Variants in BABAM2 observed in about 807,000 individuals in gnomAD.
BABAM2 encodes BRISC and BRCA1-A complex member 2.
A neutral mutation model predicts 54.7 loss-of-function variants in BABAM2; 31 were observed. The observed-to-expected ratio is 0.57, with a 90% CI of 0.43 to 0.77. The LOEUF is 0.77. BABAM2 is among the 30% of genes least tolerant of loss of function. BABAM2 has a pLI of 0.00. For missense variants in BABAM2, 364 were observed against 455.8 expected, an observed-to-expected ratio of 0.80 and a Z score of 1.83; for synonymous variants, 167 against 162.9, an observed-to-expected ratio of 1.03 and a Z score of -0.19.
At chr2:28,246,253 C>A (rs548311863) in intron 10 of BABAM2, among the ~76,000 whole-genome samples, 2 of 152,316 alleles carry the variant, frequency 1.3e-5, no homozygotes, top group African/African-American at 4.8e-5. Context: ...AACACTGGTA[C>A]TGCAGCCACC....
intron 3 of BABAM2, among the ~76,000 whole-genome samples, chr2:27,934,160 C>A (rs1008356004): frequency 5.9e-5 from 9 of 151,804 alleles, no homozygotes; most frequent in South Asian, 2.1e-4. Context: ...TTATTTCATG[C>A]CTTTGTGTCA....
chr2:27,971,582 A>C (rs906066082), intron 3 of BABAM2, among the ~76,000 whole-genome samples: 1 of 152,156 alleles, frequency 6.6e-6, no homozygotes, highest in African/African-American at 2.4e-5. Flanking sequence ...TTTCATTAAA[A>C]GAAAAATAAA....
Position 27,894,509 on chromosome 2 carries a change from A to G in BABAM2, c.-24-24A>G, listed in dbSNP as rs145485760. On this transcript the variant is annotated intron_variant, in intron 1 of 11. Transcript: ENST00000379624. ...TCTAGTCCATTTGTAAGCCCTGATC[A>G]TTATTCTTTCCTTCTGCTTTCAGTG... is the stretch of plus-strand genomic sequence containing the variant. The G allele has an allele frequency of 5.2e-4, 829 of 1,607,910 alleles. 3 individuals are homozygous for G. The African/African-American group carries it at 0.01, about 20-fold the overall frequency.
intron 7 of BABAM2, among the ~76,000 whole-genome samples, chr2:28,232,745 A>G (rs1441247934): frequency 2.6e-5 from 4 of 152,224 alleles, no homozygotes; most frequent in Admixed American, 2.6e-4. Context: ...ACTGTCATAT[A>G]TGGGGTCCAT....
chr2:28,214,395 G>A (rs900755227), intron 7 of BABAM2, among the ~76,000 whole-genome samples: 3 of 152,050 alleles, frequency 2.0e-5, no homozygotes, highest in African/African-American at 7.2e-5. Context: ...TTCATTGCTG[G>A]TATATAGTAA....
rs547755464 is a variant in BABAM2 at position 27,981,128 on chromosome 2, T to C, written c.206-6865T>C. On this transcript the variant is annotated intron_variant, in intron 3 of 11. Coordinates refer to ENST00000379624, the MANE Select transcript of BABAM2 (RefSeq NM_199191.3). ...TTGTAAAGTTCCTTAAAAATAAAGATCTTTGCAAGTATTTATCTTAAAAAG... is the reference window on the plus strand; with the variant it reads ...TTGTAAAGTTCCTTAAAAATAAAGACCTTTGCAAGTATTTATCTTAAAAAG... Among the ~76,000 whole-genome samples the C allele has an allele frequency of 2.6e-5, 4 of 152,234 alleles. No individual in the cohort carries two copies. In the South Asian group the frequency reaches 6.2e-4, roughly 24 times the overall value.
intron 6 of BABAM2, among the ~76,000 whole-genome samples, chr2:28,095,760 A>T (rs1666563488): frequency 6.6e-6 from 1 of 152,204 alleles, no homozygotes; most frequent in Admixed American, 6.5e-5. Flanking sequence ...TCAAGAACAA[A>T]GGACGTAATA....
rs533478777 is a variant in BABAM2, at chr2:28,227,844, G to A, written c.681-9358G>A. ...ATGCACATTCCCAGGTCTCACCTCC[G>A]ACCTGCTGAATAAACCTAGTAAATT... is the stretch of plus-strand genomic sequence containing the variant. On this transcript the variant is annotated intron_variant, in intron 7 of 11. Transcript: ENST00000379624. Among the ~76,000 whole-genome samples, 43 of 152,276 alleles carry A rather than the reference G, an allele frequency of 2.8e-4. 1 individual carries two copies. The South Asian group carries it at 8.5e-3, about 30-fold the overall frequency.
rs1688388195 is a variant in BABAM2 at position 28,304,849 on chromosome 2, T to C, written c.1088+6358T>C. Among the ~76,000 whole-genome samples, 1 of 149,648 alleles carries C rather than the reference T, an allele frequency of 6.7e-6. No homozygotes were observed. The highest frequency in any genetic ancestry group is 1.5e-5 in the Non-Finnish European group (1 of 66,184). On this transcript the variant is annotated intron_variant, in intron 11 of 11. Transcript: ENST00000379624. The surrounding 1 kb of genome is among the most constrained non-coding windows in gnomAD (Gnocchi z 4.0). ...CACCTGCCTTGGCCTCCCAAAGTGCTAGGATTACAGGCATGACGGGATTTC... is the reference window on the plus strand; with the variant it reads ...CACCTGCCTTGGCCTCCCAAAGTGCCAGGATTACAGGCATGACGGGATTTC...
upstream of BABAM2, among the ~76,000 whole-genome samples, chr2:27,888,789 TA>T (rs11298702): frequency 0.68 from 102,441 of 151,626 alleles, 36,006 homozygotes; most frequent in Middle Eastern, 0.82. Context: ...AAAATGTTGT[TA>T]AAAAAAAATG....
intron 7 of BABAM2, among the ~76,000 whole-genome samples, chr2:28,200,762 G>T (rs147477974): frequency 6.0e-5 from 1 of 16,576 alleles, no homozygotes; most frequent in Non-Finnish European, 3.6e-4. Flanking sequence ...GGGGTTTTTT[G>T]TTTGTTTGTT....
chr2:27,942,298 T>G (rs1229965642), intron 3 of BABAM2, among the ~76,000 whole-genome samples: 2 of 152,198 alleles, frequency 1.3e-5, no homozygotes, highest in African/African-American at 4.8e-5. Context: ...CTTTATTGAT[T>G]TATCTCATCT....
chr2:28,241,175 A>G, intron 8 of BABAM2, 148 bp from the exon 9 acceptor site: 1 of 715,146 alleles, frequency 1.4e-6, no homozygotes, highest in Non-Finnish European at 2.4e-6. Flanking sequence ...GCAAGTAGGC[A>G]CAATAGTCAC....
intron 7 of BABAM2, among the ~76,000 whole-genome samples, chr2:28,147,021 T>G (rs1468292357): frequency 6.6e-6 from 1 of 152,128 alleles, no homozygotes; most frequent in Non-Finnish European, 1.5e-5. Context: ...TTTTTGGAGA[T>G]CTGAAATGAG....
At chr2:28,077,368 A>G (rs1163337450) in intron 6 of BABAM2, among the ~76,000 whole-genome samples, 1 of 152,188 alleles carries the variant, frequency 6.6e-6, no homozygotes, top group East Asian at 1.9e-4. Flanking sequence ...GTAAGCTGCT[A>G]TTAAAATTGT....
intron 10 of BABAM2, among the ~76,000 whole-genome samples, chr2:28,277,115 A>G (rs975383027): frequency 6.6e-6 from 1 of 151,966 alleles, no homozygotes; most frequent in Admixed American, 6.6e-5. Flanking sequence ...CCATTTATTC[A>G]TTTATTTTTA....
At chr2:27,990,831 A>G (rs1558641383) in intron 4 of BABAM2, among the ~76,000 whole-genome samples, 1 of 151,916 alleles carries the variant, frequency 6.6e-6, no homozygotes, top group South Asian at 2.1e-4. Context: ...TATTTATTCA[A>G]TTTATTTAAA....
chr2:28,023,739 T>C (rs1216038923), intron 4 of BABAM2, among the ~76,000 whole-genome samples: 1 of 152,204 alleles, frequency 6.6e-6, no homozygotes, highest in African/African-American at 2.4e-5. Context: ...ACTCACTCAG[T>C]AGAGCAAAGT....
intron 7 of BABAM2, among the ~76,000 whole-genome samples, chr2:28,132,625 AC>A (rs901953002): frequency 1.3e-5 from 2 of 151,986 alleles, no homozygotes; most frequent in Non-Finnish European, 2.9e-5. Context: ...CCCTTCTCTA[AC>A]CCCTCTTCCT....
Sources: allele counts gnomAD v4.1 joint callset (sites outside exome capture counted in the v4.1 genomes callset), GRCh38; gene constraint gnomAD v4.1.1; non-coding constraint Gnocchi (gnomAD v3.1); transcripts MANE v1.5; gene names NCBI Gene and HGNC (gene_info 2026-07-23, HGNC 2026-07-21).